The following EXTL3 variants were observed in gnomAD, a reference collection of about 807,000 sequenced individuals.
EXTL3 encodes the protein exostosin-like 3.
In EXTL3, 27 loss-of-function variants were observed where a neutral mutation model predicts 69.3. The ratio of observed to expected loss-of-function variants is 0.39; its 90% CI spans 0.29 to 0.54. The LOEUF (loss-of-function observed/expected upper bound fraction) is 0.54, where lower values mean the gene tolerates loss of function less well. EXTL3 is among the 20% of genes least tolerant of loss of function. EXTL3 has a pLI of 0.69. For missense variants in EXTL3, 1,003 were observed against 1,231.8 expected (o/e 0.81, Z 2.78); for synonymous variants, 511 against 499.4 (o/e 1.02, Z -0.31).
chr8:28,647,778 A>G (rs985848502), intron 1 of EXTL3, among the ~76,000 whole-genome samples: 2 of 152,148 alleles, frequency 1.3e-5, no homozygotes, highest in African/African-American at 4.8e-5. Flanking sequence ...TTATCTCTGC[A>G]GGAAATGATC....
At chr8:28,756,282 A>G (rs1017353609), downstream of EXTL3, among the ~76,000 whole-genome samples, 2 of 152,112 alleles carry the variant, frequency 1.3e-5, no homozygotes, top group African/African-American at 2.4e-5. Flanking sequence ...GACATAGCCA[A>G]TGCTGATGGT....
chr8:28,738,943 A>G (rs942910790), intron 5 of EXTL3, among the ~76,000 whole-genome samples: 2 of 152,038 alleles, frequency 1.3e-5, no homozygotes, highest in African/African-American at 2.4e-5. Context: ...TGGTGCCTCC[A>G]CTGTCCTCAC....
intron 2 of EXTL3, among the ~76,000 whole-genome samples, chr8:28,616,908 T>C (rs1284975493): frequency 6.6e-6 from 1 of 152,204 alleles, no homozygotes; most frequent in Non-Finnish European, 1.5e-5. Context: ...AGGCTTATTC[T>C]CAATGTTCCT....
chr8:28,632,269 C>T (rs1806581541), intron 1 of EXTL3, among the ~76,000 whole-genome samples: 1 of 151,806 alleles, frequency 6.6e-6, no homozygotes, highest in Non-Finnish European at 1.5e-5. Context: ...TAGCTGGGCA[C>T]CTGTAATCCC....
chr8:28,624,731 A>G (rs1018444364), intron 1 of EXTL3, among the ~76,000 whole-genome samples: 3 of 152,246 alleles, frequency 2.0e-5, no homozygotes, highest in South Asian at 2.1e-4. Context: ...CACCGACACC[A>G]TAAGAACTAG....
chr8:28,731,805 A>G (rs1378843554), intron 4 of EXTL3, among the ~76,000 whole-genome samples: 2 of 152,054 alleles, frequency 1.3e-5, no homozygotes, highest in African/African-American at 4.8e-5. Flanking sequence ...TGGACCCAAA[A>G]AGATTTGGGG....
intron 3 of EXTL3, among the ~76,000 whole-genome samples, chr8:28,729,949 C>G (rs542652970): frequency 6.6e-6 from 1 of 151,968 alleles, no homozygotes; most frequent in Non-Finnish European, 1.5e-5. Context: ...GTGACAGACG[C>G]TATAGTCTCC....
chr8:28,705,990 A>G (rs535669572), intron 1 of EXTL3, among the ~76,000 whole-genome samples: 1 of 152,328 alleles, frequency 6.6e-6, no homozygotes, highest in South Asian at 2.1e-4. Flanking sequence ...CATTTTAAAC[A>G]TGTTATACTG....
chr8:28,662,397 T>A (rs1241268401), intron 1 of EXTL3, among the ~76,000 whole-genome samples: 1 of 152,238 alleles, frequency 6.6e-6, no homozygotes, highest in Non-Finnish European at 1.5e-5. Flanking sequence ...TTTCTTCTGA[T>A]GAAGTTGTCA....
chr8:28,667,527 A>AT (rs1392855463), intron 1 of EXTL3, among the ~76,000 whole-genome samples: 1 of 152,044 alleles, frequency 6.6e-6, no homozygotes. Context: ...ATATTTCTTT[A>AT]TTTTGCATGG....
chr8:28,638,619 C>G (rs941312789), intron 1 of EXTL3, among the ~76,000 whole-genome samples: 21 of 152,088 alleles, frequency 1.4e-4, no homozygotes, highest in Admixed American at 1.1e-3. Flanking sequence ...AGCTGGAAGT[C>G]TAGGATTCTT....
upstream of EXTL3, among the ~76,000 whole-genome samples, chr8:28,621,178 A>G (rs1806405289): frequency 6.6e-6 from 1 of 152,162 alleles, no homozygotes; most frequent in African/African-American, 2.4e-5. Flanking sequence ...AAGCCCCAGT[A>G]CCTCAGAATA....
intron 1 of EXTL3, among the ~76,000 whole-genome samples, chr8:28,646,112 T>A (rs1806826227): frequency 6.6e-6 from 1 of 152,174 alleles, no homozygotes; most frequent in African/African-American, 2.4e-5. Context: ...TCTACCTGCC[T>A]CGGCTTCCCA....
chr8:28,738,951 C>T (rs971640108), intron 5 of EXTL3, among the ~76,000 whole-genome samples: 1 of 152,192 alleles, frequency 6.6e-6, no homozygotes, highest in African/African-American at 2.4e-5. Context: ...CCACTGTCCT[C>T]ACGGAAGACC....
At chr8:28,693,026 T>C (rs1800636762) in intron 1 of EXTL3, among the ~76,000 whole-genome samples, 1 of 152,198 alleles carries the variant, frequency 6.6e-6, no homozygotes, top group Non-Finnish European at 1.5e-5. Flanking sequence ...ATGCTTGCCT[T>C]AGGGAACATT....
chr8:28,613,224 C>T (rs1467758557), intron 2 of EXTL3, among the ~76,000 whole-genome samples: 4 of 152,014 alleles, frequency 2.6e-5, no homozygotes, highest in Non-Finnish European at 5.9e-5. Flanking sequence ...CACCCTGTTG[C>T]CCAAGCTGGA....
At position 28,717,183 on chromosome 8, in the gene EXTL3, A is replaced by G. The variant is rs759439923; in HGVS notation, c.1124A>G (p.Tyr375Cys). Residue 375 changes from tyrosine to cysteine, a missense_variant, in exon 3 of 7, where the codon TAC (tyrosine) becomes TGC (cysteine). Tyr to Cys is a radical substitution (Grantham distance 194). Around this residue, in one of 2 missense-constraint regions of EXTL3, gnomAD observed 742 missense variants for 815.4 expected, o/e 0.91. Transcript: ENST00000220562. This position sits in a 1 kb window ranked among gnomAD's most constrained non-coding sequence, Gnocchi z 8.3. Reference sequence around the variant, plus strand: ...ATGGAGGGCGACCCTCCCGCCGACTACGATGACCGGATCATTGCCACCCTG... The same window carrying G: ...ATGGAGGGCGACCCTCCCGCCGACTGCGATGACCGGATCATTGCCACCCTG... ...EEMEGDPPADYDDRIIATLKA... is the reference protein window; with the variant it reads ...EEMEGDPPADCDDRIIATLKA... 14 of 1,614,140 alleles carry G rather than the reference A, an allele frequency of 8.7e-6. No homozygotes were observed. The South Asian group carries it at 1.2e-4, about 14-fold the overall frequency.
At chr8:28,663,265 G>C (rs910438878) in intron 1 of EXTL3, among the ~76,000 whole-genome samples, 1 of 152,142 alleles carries the variant, frequency 6.6e-6, no homozygotes, top group African/African-American at 2.4e-5. Context: ...GATGGGTAAG[G>C]GGTGTCCTCT....
intron 6 of EXTL3, among the ~76,000 whole-genome samples, chr8:28,748,360 GACTGTCTCAAAAAAAAAAAAA>G (rs1801933035): frequency 7.0e-6 from 1 of 143,020 alleles, no homozygotes; most frequent in East Asian, 2.1e-4. Flanking sequence ...GACAGAGTGA[GACTGTCTCAAAAAAAAAAAAA>G]ACTTGACAGT....
Sources: allele counts gnomAD v4.1 joint callset (sites outside exome capture counted in the v4.1 genomes callset), GRCh38; gene constraint gnomAD v4.1.1; regional missense constraint gnomAD v4.1.1; non-coding constraint Gnocchi (gnomAD v3.1); transcripts MANE v1.5; gene names NCBI Gene and HGNC (gene_info 2026-07-23, HGNC 2026-07-21).